ZNF107: variants seen among roughly 807,000 people sequenced by gnomAD.
ZNF107 encodes C2H2 type zinc-finger protein.
ZNF107 carries 19 observed loss-of-function variants against 12.3 expected under a neutral mutation model. That is an observed-to-expected ratio of 1.55 (90% confidence interval 1.08 to 2.27). The LOEUF (loss-of-function observed/expected upper bound fraction) is 2.27. ZNF107 is among the 30% of genes most tolerant of loss of function. ZNF107 has a pLI of 0.00. For missense variants in ZNF107, 958 were observed against 979.9 expected, an observed-to-expected ratio of 0.98 and a Z score of 0.30; for synonymous variants, 317 against 330.5, an observed-to-expected ratio of 0.96 and a Z score of 0.44.
At chr7:64,692,911 G>A (rs1343890034) in intron 3 of ZNF107, among the ~76,000 whole-genome samples, 1 of 151,954 alleles carries the variant, frequency 6.6e-6, no homozygotes, top group African/African-American at 2.4e-5. Context: ...ACTGTTTATG[G>A]TTTTGTATGT....
chr7:64,693,663 G>C (rs1463134128), intron 3 of ZNF107, among the ~76,000 whole-genome samples: 1 of 152,164 alleles, frequency 6.6e-6, no homozygotes, highest in African/African-American at 2.4e-5. Flanking sequence ...ATGTTGCTCT[G>C]CAGGGCAGAT....
intron 3 of ZNF107, among the ~76,000 whole-genome samples, chr7:64,699,305 GTTTTAT>G (rs1417198512): frequency 6.6e-6 from 1 of 152,052 alleles, no homozygotes; most frequent in Non-Finnish European, 1.5e-5. Flanking sequence ...TGAACAGTGT[GTTTTAT>G]TTTAATATAT....
At chr7:64,675,854 G>A (rs953265529) in intron 1 of ZNF107, among the ~76,000 whole-genome samples, 1 of 152,074 alleles carries the variant, frequency 6.6e-6, no homozygotes, top group African/African-American at 2.4e-5. Flanking sequence ...TCATTCAGGT[G>A]CAGGTGTTTG....
intron 1 of ZNF107, among the ~76,000 whole-genome samples, chr7:64,675,291 C>G (rs1789377162): frequency 6.6e-6 from 1 of 152,046 alleles, no homozygotes; most frequent in Non-Finnish European, 1.5e-5. Flanking sequence ...TGTTATTGGT[C>G]TATTCAGGGA....
rs548771545 is a variant in ZNF107 at position 64,705,098 on chromosome 7, G to A, written c.227-1226G>A. ...CTATATCATACTTCCCTTCTGACCT[G>A]CAAAATTTTCTTGACGTATTCACTG... On this transcript the variant is annotated intron_variant, in intron 3 of 3. Coordinates refer to ENST00000620827, the MANE Select transcript of ZNF107 (RefSeq NM_001282359.2). Among the ~76,000 whole-genome samples the A allele has an allele frequency of 1.2e-4, 18 of 152,244 alleles. 1 individual carries two copies. In the South Asian group the frequency reaches 3.7e-3, roughly 32 times the overall value.
rs1424841112 is a variant in ZNF107, at chr7:64,710,966, TTAG to T, written c.*2316_*2318del. ...TAATCTTAGTTAAAATTAAAGTGAA[TTAG>T]TAGTATATCATTTTACTATTTGTAC... On this transcript the variant is annotated 3_prime_UTR_variant, in exon 4 of 4. Coordinates refer to ENST00000620827, the MANE Select transcript of ZNF107 (RefSeq NM_001282359.2). The T allele has an allele frequency of 1.3e-5, 2 of 152,322 alleles. No homozygotes were observed. The highest frequency in any genetic ancestry group is 6.5e-5 in the Admixed American group (1 of 15,304). The allele number at this position is 152,322 out of a possible 1,614,324, so 9.4% of individuals were successfully genotyped here.
chr7:64,691,440 A>G, intron 2 of ZNF107, 66 bp downstream of exon 2: 1 of 1,289,344 alleles, frequency 7.8e-7, no homozygotes, highest in Non-Finnish European at 1.0e-6. Flanking sequence ...ATTTCTGTAG[A>G]CTGTTTTCTG....
intron 1 of ZNF107, among the ~76,000 whole-genome samples, chr7:64,670,956 G>A (rs1223710529): frequency 6.6e-6 from 1 of 152,218 alleles, no homozygotes; most frequent in African/African-American, 2.4e-5. Context: ...AGTGAGGACA[G>A]TGTTGTGGGA....
rs1323548444 is a variant in ZNF107, at chr7:64,708,136, A to C, written c.2039A>C (p.Glu680Ala). The C allele has an allele frequency of 1.2e-6, 2 of 1,611,922 alleles. No homozygotes were observed. The highest frequency in any genetic ancestry group is 1.7e-6 in the Non-Finnish European group (2 of 1,179,386). ...IYTGEKPHKC[E>A]ECGKAYNRFS... The stretch of plus-strand genomic sequence containing the variant: ...ACTGGAGAGAAACCCCACAAATGTG[A>C]AGAATGTGGAAAAGCTTATAACCGA... The change falls in exon 4 of 4, where the codon GAA (glutamate) becomes GCA (alanine). Residue 680 changes from glutamate to alanine, a missense_variant. Glu to Ala is a moderately radical substitution (Grantham distance 107, BLOSUM62 -1). Transcript: ENST00000620827.
Position 64,691,302 on chromosome 7 carries a change from T to A in ZNF107, c.58T>A (p.Cys20Ser). The A allele has an allele frequency of 5.1e-6, 8 of 1,557,694 alleles. No homozygotes were observed. The highest frequency in any genetic ancestry group is 6.9e-6 in the Non-Finnish European group (8 of 1,154,106). Residue 20 changes from cysteine (C) to serine (S), a missense_variant, in exon 2 of 4, where the codon TGC becomes AGC. Physicochemically the swap from Cys to Ser is moderately radical, Grantham distance 112. Coordinates refer to ENST00000620827, the MANE Select transcript of ZNF107 (RefSeq NM_001282359.2). ...AIEFSLEEWQ[C>S]LDTAQRDLYR... The stretch of plus-strand genomic sequence containing the variant: ...AGAATTCTCTCTGGAGGAGTGGCAA[T>A]GCCTGGATACTGCACAGCGGGATTT...
chr7:64,690,621 TC>T (rs2128962656), intron 1 of ZNF107: 1 of 784,498 alleles, frequency 1.3e-6, no homozygotes, highest in African/African-American at 1.9e-5. Flanking sequence ...TTCCTGCAGA[TC>T]CAGTAGTTTC....
intron 1 of ZNF107, among the ~76,000 whole-genome samples, chr7:64,668,037 A>C (rs1330648121): frequency 6.6e-6 from 1 of 151,946 alleles, no homozygotes; most frequent in Non-Finnish European, 1.5e-5. Context: ...TCACTGAGGC[A>C]TAGGGCAGTG....
intron 1 of ZNF107, among the ~76,000 whole-genome samples, chr7:64,688,256 T>TC (rs1789993487): frequency 8.6e-6 from 1 of 115,758 alleles, no homozygotes; most frequent in Non-Finnish European, 1.9e-5. Flanking sequence ...CCCTTCCTCC[T>TC]CTTTTTTTTT....
At position 64,706,406 on chromosome 7, in the gene ZNF107, C is replaced by G. The variant is rs139061817; in HGVS notation, c.309C>G (p.Tyr103Ter). ...TCCAGAAAGTGACACTGAGAAGATA[C>G]GGAAAATGTGAATATGAGAATTTAC... ...DSFQKVTLRR[Y>*]GKCEYENLQL... Residue 103 changes from tyrosine to a stop codon, truncating the protein, a stop_gained, in exon 4 of 4, where the codon TAC becomes TAG. Coordinates refer to ENST00000620827, the MANE Select transcript of ZNF107 (RefSeq NM_001282359.2). LOFTEE classifies it low-confidence loss of function (END_TRUNC). 3 of 1,612,576 alleles carry G rather than the reference C, an allele frequency of 1.9e-6. No homozygotes were observed. Among genetic ancestry groups the G allele is most frequent in the Admixed American group, 3.3e-5 (2 of 59,914 alleles).
intron 1 of ZNF107, among the ~76,000 whole-genome samples, chr7:64,682,873 C>T (rs900432621): frequency 6.6e-6 from 1 of 152,174 alleles, no homozygotes; most frequent in Non-Finnish European, 1.5e-5. Flanking sequence ...TTCAACCCAG[C>T]CTTTCACTTA....
Position 64,683,574 on chromosome 7 carries a change from G to C in ZNF107, c.4-7674G>C, listed in dbSNP as rs1789774100. On this transcript the variant is annotated intron_variant, in intron 1 of 3. Coordinates refer to ENST00000620827, the MANE Select transcript of ZNF107 (RefSeq NM_001282359.2). Reference sequence around the variant, plus strand: ...GCAAGTGGTTCTTAGATCATAGAAAGTTCCTTCTTCCTGCCTCACAAGCGC... The same window carrying C: ...GCAAGTGGTTCTTAGATCATAGAAACTTCCTTCTTCCTGCCTCACAAGCGC... Among the ~76,000 whole-genome samples the C allele has an allele frequency of 3.3e-5, 5 of 152,284 alleles. No individual in the cohort carries two copies. The South Asian group carries it at 1.0e-3, about 32-fold the overall frequency.
chr7:64,707,598 A>G lies in ZNF107; in HGVS notation c.1501A>G (p.Lys501Glu). ...ATCCTCAACCCTTACTAGACATAAG[A>G]AAATTCATACTGGAGAGAAACCCTA... is the stretch of plus-strand genomic sequence containing the variant. ...NRSSTLTRHK[K>E]IHTGEKPYKC... is the part of the protein sequence containing the mutation. The change falls in exon 4 of 4, where the codon AAA becomes GAA. Residue 501 changes from lysine (K) to glutamate (E), a missense_variant. Coordinates refer to ENST00000620827, the MANE Select transcript of ZNF107 (RefSeq NM_001282359.2). 6.2e-7 allele frequency: 1 copy of G among 1,613,058 alleles called. No homozygotes were observed. Among genetic ancestry groups the G allele is most frequent in the Non-Finnish European group, 8.5e-7 (1 of 1,179,640 alleles).
At chr7:64,666,757 A>G (rs1789021737) in intron 1 of ZNF107, among the ~76,000 whole-genome samples, 1 of 152,226 alleles carries the variant, frequency 6.6e-6, no homozygotes, top group African/African-American at 2.4e-5. Context: ...GAATTTAATC[A>G]AAGAGTAATT....
rs139727259 is a variant in ZNF107 at position 64,704,566 on chromosome 7, A to T, written c.227-1758A>T. ...GCTGAAAGTCATATATTTTCATATGATTATGTGCTGTTTTCTTGCATCATG... is the reference window on the plus strand; with the variant it reads ...GCTGAAAGTCATATATTTTCATATGTTTATGTGCTGTTTTCTTGCATCATG... On this transcript the variant is annotated intron_variant, in intron 3 of 3. Coordinates refer to ENST00000620827, the MANE Select transcript of ZNF107 (RefSeq NM_001282359.2). 2.8e-4 allele frequency among the ~76,000 whole-genome samples: 43 copies of T among 152,246 alleles called. No individual in the cohort carries two copies. The East Asian group carries it at 8.1e-3, about 29-fold the overall frequency.
Sources: gnomAD v4.1 joint callset for allele counts (sites outside exome capture counted in the v4.1 genomes callset) on GRCh38, gnomAD v4.1.1 for gene constraint, MANE v1.5 for transcripts, NCBI Gene and HGNC (gene_info 2026-07-23, HGNC 2026-07-21) for gene names.